The following TSNAX variants were observed in gnomAD, a reference collection of about 807,000 sequenced individuals.
TSNAX encodes the protein translin associated factor X, also known as translin-associated protein X.
A neutral mutation model predicts 33.0 loss-of-function variants in TSNAX; 12 were observed. The observed-to-expected ratio is 0.36, with a 90% CI of 0.23 to 0.59. TSNAX has a LOEUF of 0.59. Ranked by LOEUF, TSNAX falls within the 20% of genes least tolerant of loss-of-function variation. TSNAX has a pLI of 0.74. For synonymous variants in TSNAX, 110 were observed against 117.2 expected, an observed-to-expected ratio of 0.94 and a Z score of 0.40; for missense variants, 267 against 341.3, an observed-to-expected ratio of 0.78 and a Z score of 1.72.
chr1:231,552,023 C>T (rs373628298), intron 4 of TSNAX, among the ~76,000 whole-genome samples: 10 of 151,792 alleles, frequency 6.6e-5, no homozygotes, highest in African/African-American at 7.2e-5. Context: ...ATTCCAGGCG[C>T]GGTGGCTTAC....
chr1:231,542,431 C>T lies in TSNAX; in HGVS notation c.237-50C>T, dbSNP rs760909816. The T allele has an allele frequency of 4.4e-6, 7 of 1,590,112 alleles. No individual in the cohort carries two copies. In the East Asian group the frequency reaches 1.6e-4, roughly 36 times the overall value. ...TGATAATTAGGTTATTTTAGTTTTTCACTGTTAAAGCATCTGATGTTCTAA... is the reference window on the plus strand; with the variant it reads ...TGATAATTAGGTTATTTTAGTTTTTTACTGTTAAAGCATCTGATGTTCTAA... On this transcript the variant is annotated intron_variant, in intron 3 of 5. Transcript: ENST00000366639.
intron 4 of TSNAX, among the ~76,000 whole-genome samples, chr1:231,544,062 A>G (rs1164658376): frequency 6.6e-6 from 1 of 152,218 alleles, no homozygotes; most frequent in Non-Finnish European, 1.5e-5. Flanking sequence ...AGATAGATTC[A>G]TAGCAGGAAA....
intron 3 of TSNAX, among the ~76,000 whole-genome samples, chr1:231,539,277 A>C (rs1659399329): frequency 6.6e-6 from 1 of 152,190 alleles, no homozygotes; most frequent in African/African-American, 2.4e-5. Flanking sequence ...TAACAAAAGC[A>C]ATAATATAAA....
chr1:231,554,505 T>A (rs1340556248), intron 4 of TSNAX: 1 of 152,180 alleles, frequency 6.6e-6, no homozygotes, highest in Non-Finnish European at 1.5e-5. Flanking sequence ...GACAGCTGTT[T>A]GTAATCTAAA....
At chr1:231,537,355 C>T (rs1446634733) in intron 3 of TSNAX, 28 bp downstream of exon 3, 1 of 1,373,380 alleles carries the variant, frequency 7.3e-7, no homozygotes, top group Non-Finnish European at 1.0e-6. Context: ...GAATTTATTA[C>T]AGTTTGATAC....
At chr1:231,528,978 G>T in intron 1 of TSNAX, 152 bp downstream of exon 1, 5 of 1,083,004 alleles carry the variant, frequency 4.6e-6, no homozygotes, top group Non-Finnish European at 6.8e-6. Flanking sequence ...GGCCAGATCG[G>T]CCCTGTTTAC....
Position 231,565,041 on chromosome 1 carries a change from A to T in TSNAX, c.*136A>T. On this transcript the variant is annotated 3_prime_UTR_variant, in exon 6 of 6. Coordinates refer to ENST00000366639, the MANE Select transcript of TSNAX (RefSeq NM_005999.3). ...TTCAGTTGTACTTGTTTTAAATTGT[A>T]TACAAGCTGTACATAAAATTAGCCA... 1.8e-6 allele frequency: 2 copies of T among 1,096,764 alleles called. No homozygotes were observed. The highest frequency in any genetic ancestry group is 3.4e-5 in the South Asian group (2 of 58,918). The allele number at this position is 1,096,764 out of a possible 1,614,324, so 67.9% of individuals were successfully genotyped here.
intron 3 of TSNAX, among the ~76,000 whole-genome samples, chr1:231,539,080 T>G (rs1403411537): frequency 2.6e-5 from 4 of 152,224 alleles, no homozygotes; most frequent in African/African-American, 9.6e-5. Flanking sequence ...TAACATTTTC[T>G]TTTTCTTACC....
chr1:231,548,197 A>G (rs1033993649), intron 4 of TSNAX, among the ~76,000 whole-genome samples: 9 of 152,314 alleles, frequency 5.9e-5, no homozygotes, highest in African/African-American at 2.2e-4. Context: ...AGTAATTCTT[A>G]TTTTATTCTT....
In TSNAX at chr1:231,566,112, A is replaced by G. The variant is rs1661415027; in HGVS notation, c.*1207A>G. The G allele has an allele frequency of 6.6e-6, 1 of 152,546 alleles. No homozygotes were observed. Among genetic ancestry groups the G allele is most frequent in the South Asian group, 2.1e-4 (1 of 4,830 alleles). 9.4% of individuals were successfully genotyped at this position (152,546 alleles called of 1,614,324 possible). On this transcript the variant is annotated 3_prime_UTR_variant, in exon 6 of 6. Coordinates refer to ENST00000366639, the MANE Select transcript of TSNAX (RefSeq NM_005999.3). ...ATTTAAATCTAGCATTTAAATTTAA[A>G]TAATTTAAGTCTAGCATTTACTTTT... is the stretch of plus-strand genomic sequence containing the variant.
At chr1:231,548,558 A>G (rs751966732) in intron 4 of TSNAX, among the ~76,000 whole-genome samples, 8 of 152,208 alleles carry the variant, frequency 5.3e-5, no homozygotes, top group African/African-American at 9.7e-5. Context: ...AGGAATGGGC[A>G]TGTTTTTAGA....
intron 4 of TSNAX, among the ~76,000 whole-genome samples, chr1:231,560,406 T>TCTCCCCC (rs1661004718): frequency 3.1e-5 from 1 of 32,062 alleles, no homozygotes; most frequent in Non-Finnish European, 5.6e-5. Context: ...TTTTCTTTTC[T>TCTCCCCC]CCCCCCCCCC....
At chr1:231,564,262 G>C (rs113965583) in intron 5 of TSNAX, among the ~76,000 whole-genome samples, 44 of 152,312 alleles carry the variant, frequency 2.9e-4, no homozygotes, top group African/African-American at 9.6e-4. Context: ...GTTGGAAATA[G>C]TTGGTTTCAT....
intron 5 of TSNAX, among the ~76,000 whole-genome samples, chr1:231,561,845 C>T (rs1356926638): frequency 6.6e-6 from 1 of 152,088 alleles, no homozygotes; most frequent in Admixed American, 6.6e-5. Context: ...TACAGCAGCA[C>T]CTGACACGTA....
intron 4 of TSNAX, among the ~76,000 whole-genome samples, chr1:231,554,182 A>G (rs1468591844): frequency 3.3e-5 from 5 of 152,212 alleles, no homozygotes; most frequent in African/African-American, 1.2e-4. Flanking sequence ...TCTTTTCCCT[A>G]TTAAAAAATA....
intron 2 of TSNAX, chr1:231,535,367 T>A (rs1659094991): frequency 6.6e-6 from 1 of 152,198 alleles, no homozygotes; most frequent in Non-Finnish European, 1.5e-5. Context: ...AAACTTTAGA[T>A]GTAGTCTTTT....
At chr1:231,541,737 A>C (rs772058736) in intron 3 of TSNAX, among the ~76,000 whole-genome samples, 1 of 152,168 alleles carries the variant, frequency 6.6e-6, no homozygotes, top group South Asian at 2.1e-4. Flanking sequence ...TGATAAATCA[A>C]TTCTTTCCGG....
At chr1:231,532,026 TG>T (rs1233787061) in intron 2 of TSNAX, among the ~76,000 whole-genome samples, 2 of 151,356 alleles carry the variant, frequency 1.3e-5, no homozygotes, top group African/African-American at 2.4e-5. Flanking sequence ...GAGCTGTGAT[TG>T]GGCCACTGCA....
intron 3 of TSNAX, among the ~76,000 whole-genome samples, chr1:231,541,709 G>A (rs139578859): frequency 6.6e-6 from 1 of 152,048 alleles, no homozygotes; most frequent in African/African-American, 2.4e-5. Flanking sequence ...AATATTTTTT[G>A]TAGTGTCAAT....
Sources: gnomAD v4.1 joint callset for allele counts (sites outside exome capture counted in the v4.1 genomes callset) on GRCh38, gnomAD v4.1.1 for gene constraint, MANE v1.5 for transcripts, NCBI Gene and HGNC (gene_info 2026-07-23, HGNC 2026-07-21) for gene names.